GNG2: variants seen among roughly 807,000 people sequenced by gnomAD.
GNG2 encodes guanine nucleotide-binding protein G(I)/G(S)/G(O) subunit gamma-2.
In GNG2, 5 loss-of-function variants were observed where a neutral mutation model predicts 5.5. The observed-to-expected ratio is 0.91, with a 90% CI of 0.48 to 1.92. The LOEUF is 1.92. Among genes scored for constraint, GNG2 ranks in the 30% most tolerant of loss-of-function variants. The probability of loss-of-function intolerance (pLI) is 0.01; values close to 1 mark genes in which losing one functional copy is unlikely to be tolerated. For synonymous variants in GNG2, 28 were observed against 32.0 expected (o/e 0.88, Z 0.42); for missense variants, 55 against 88.4 (o/e 0.62, Z 1.52).
intron 1 of GNG2, among the ~76,000 whole-genome samples, chr14:51,875,359 A>G (rs889155778): frequency 9.2e-5 from 14 of 152,244 alleles, no homozygotes; most frequent in African/African-American, 2.9e-4. Flanking sequence ...TTGATGCTGT[A>G]CCATTGAATT....
At chr14:51,963,993 G>A (rs1253663) in intron 3 of GNG2, among the ~76,000 whole-genome samples, 140,896 of 152,248 alleles carry the variant, frequency 0.93, 65,691 homozygotes, top group Non-Finnish European at 0.98. Flanking sequence ...TTAGAATGTG[G>A]CCTTACTTGG....
At chr14:51,901,963 T>A (rs1036389843) in intron 2 of GNG2, among the ~76,000 whole-genome samples, 4 of 56,428 alleles carry the variant, frequency 7.1e-5, no homozygotes, top group Non-Finnish European at 9.7e-5. Context: ...TAACAATCTG[T>A]AAAAAAAAAA....
chr14:51,914,228 A>G (rs1347804653), intron 2 of GNG2: 1 of 702,144 alleles, frequency 1.4e-6, no homozygotes, highest in Admixed American at 2.0e-5. Flanking sequence ...TGACTGTGCC[A>G]TTGAATGGAG....
chr14:51,856,113 G>A (rs988875014), upstream of GNG2, among the ~76,000 whole-genome samples: 3 of 152,210 alleles, frequency 2.0e-5, no homozygotes, highest in Admixed American at 6.5e-5. Context: ...GGGAGGTGGA[G>A]GTTGCAGTGA....
At chr14:51,886,843 G>T (rs954261090) in intron 2 of GNG2, among the ~76,000 whole-genome samples, 1 of 152,196 alleles carries the variant, frequency 6.6e-6, no homozygotes, top group African/African-American at 2.4e-5. Context: ...CTGCCACTGA[G>T]TTCATGCGGT....
intron 2 of GNG2, among the ~76,000 whole-genome samples, chr14:51,929,299 T>C (rs1887519337): frequency 6.6e-6 from 1 of 152,226 alleles, no homozygotes; most frequent in East Asian, 1.9e-4. Context: ...CCACGGACTG[T>C]TTCTGTTCAT....
chr14:51,845,753 G>A (rs1179420160), intron 2 of GNG2, among the ~76,000 whole-genome samples: 1 of 152,128 alleles, frequency 6.6e-6, no homozygotes, highest in Non-Finnish European at 1.5e-5. Context: ...CTAAGATTTT[G>A]CAAAATGATT....
intron 3 of GNG2, among the ~76,000 whole-genome samples, chr14:51,953,975 A>T (rs1251255515): frequency 6.6e-6 from 1 of 151,988 alleles, no homozygotes; most frequent in African/African-American, 2.4e-5. Context: ...AAAGAATAGG[A>T]CTCTTAAGAG....
At chr14:51,832,855 G>T (rs1323945402) in intron 2 of GNG2, among the ~76,000 whole-genome samples, 6 of 152,068 alleles carry the variant, frequency 3.9e-5, no homozygotes. Context: ...CAAATTAAGG[G>T]GTTTTAGACA....
chr14:51,948,838 A>T (rs760116204), intron 2 of GNG2, among the ~76,000 whole-genome samples: 20 of 152,090 alleles, frequency 1.3e-4, no homozygotes, highest in African/African-American at 1.9e-4. Flanking sequence ...AAATTGAGGG[A>T]TGGCCGGGCG....
chr14:51,903,892 A>C (rs1344729317), intron 2 of GNG2, among the ~76,000 whole-genome samples: 1 of 152,100 alleles, frequency 6.6e-6, no homozygotes, highest in East Asian at 1.9e-4. Context: ...AATAACAAGG[A>C]CTCCAACCTC....
At chr14:51,827,905 A>G (rs1245200183) in intron 2 of GNG2, 13 of 605,732 alleles carry the variant, frequency 2.1e-5, no homozygotes, top group Non-Finnish European at 3.5e-5. Flanking sequence ...AAGAGCTTGG[A>G]GAGAGAGTCT....
At chr14:51,873,922 G>T (rs559489523) in intron 1 of GNG2, 8 of 152,234 alleles carry the variant, frequency 5.3e-5, no homozygotes, top group African/African-American at 1.9e-4. Context: ...TGTAATGCAG[G>T]CCTGTGGGAT....
At chr14:51,945,495 A>T (rs1888590109) in intron 2 of GNG2, among the ~76,000 whole-genome samples, 1 of 149,734 alleles carries the variant, frequency 6.7e-6, no homozygotes, top group Non-Finnish European at 1.5e-5. Flanking sequence ...ATTTATAGAG[A>T]CAGAAAGTAG....
chr14:51,834,572 CTG>C (rs1438112957), intron 2 of GNG2, among the ~76,000 whole-genome samples: 1 of 152,206 alleles, frequency 6.6e-6, no homozygotes, highest in Non-Finnish European at 1.5e-5. Context: ...TCTTACGCTC[CTG>C]TGTTGCGTGG....
At chr14:51,850,509 C>A (rs184917552) in intron 2 of GNG2, among the ~76,000 whole-genome samples, 1 of 152,060 alleles carries the variant, frequency 6.6e-6, no homozygotes, top group African/African-American at 2.4e-5. Context: ...TACTGACAGT[C>A]GGAGGAAAAG....
At chr14:51,871,331 C>A (rs201987431) in intron 1 of GNG2, among the ~76,000 whole-genome samples, 114 of 145,082 alleles carry the variant, frequency 7.9e-4, no homozygotes, top group African/African-American at 8.8e-4. Flanking sequence ...AATTCCTAGG[C>A]AAAAAAAAAA....
intron 2 of GNG2, among the ~76,000 whole-genome samples, chr14:51,839,891 G>A (rs1881437591): frequency 6.6e-6 from 1 of 152,198 alleles, no homozygotes; most frequent in African/African-American, 2.4e-5. Context: ...GCAGAACCAT[G>A]TCTAACTTCA....
intron 2 of GNG2, among the ~76,000 whole-genome samples, chr14:51,938,925 G>T (rs1888164364): frequency 6.6e-6 from 1 of 152,210 alleles, no homozygotes; most frequent in African/African-American, 2.4e-5. Context: ...TTTTAATAAA[G>T]AAATTAATTA....
Sources: allele counts gnomAD v4.1 joint callset (sites outside exome capture counted in the v4.1 genomes callset), GRCh38; gene constraint gnomAD v4.1.1; transcripts MANE v1.5; gene names NCBI Gene and HGNC (gene_info 2026-07-23, HGNC 2026-07-21).